The following LPCAT1 variants were observed in gnomAD, a reference collection of about 807,000 sequenced individuals.
The protein encoded by LPCAT1 is lysophosphatidylcholine acyltransferase 1, also known as 1-acylglycerol-3-phosphate O-acyltransferase.
LPCAT1 carries 23 observed loss-of-function variants against 60.9 expected under a neutral mutation model. The observed-to-expected ratio is 0.38, with a 90% CI of 0.27 to 0.53. The LOEUF (loss-of-function observed/expected upper bound fraction) is 0.53. LPCAT1 is among the 20% of genes least tolerant of loss of function. LPCAT1 has a pLI of 0.82. For synonymous variants in LPCAT1, 340 were observed against 301.1 expected (o/e 1.13, Z -1.34); for missense variants, 622 against 723.6 (o/e 0.86, Z 1.61).
intron 11 of LPCAT1, among the ~76,000 whole-genome samples, chr5:1,472,380 A>ATAGCTTTCTTTT (rs1734718586): frequency 6.6e-6 from 1 of 151,970 alleles, no homozygotes; most frequent in Non-Finnish European, 1.5e-5. Flanking sequence ...GAGGGAACTG[A>ATAGCTTTCTTTT]TAGCTTTCTT....
At chr5:1,516,996 G>C (rs1045842982) in intron 1 of LPCAT1, among the ~76,000 whole-genome samples, 4 of 152,178 alleles carry the variant, frequency 2.6e-5, no homozygotes, top group Admixed American at 1.3e-4. Context: ...TATCCCCCAG[G>C]GTTGCAAAAT....
rs1734958783 is a variant in LPCAT1, at chr5:1,477,335, A to G, written c.899+69T>C. 4 of 1,283,340 alleles carry G rather than the reference A, an allele frequency of 3.1e-6. No individual in the cohort carries two copies. The highest frequency in any genetic ancestry group is 4.0e-5 in the Admixed American group (2 of 50,014). 79.5% of individuals were successfully genotyped at this position (1,283,340 alleles called of 1,614,324 possible). The stretch of plus-strand genomic sequence containing the variant: ...TTTCCTAACGCTGTTGCCTATTTTA[A>G]ATATACAGAGAGCAGCACTCTGGGA... On this transcript the variant is annotated intron_variant, in intron 9 of 13. Transcript: ENST00000283415. This position sits in a 1 kb window ranked among gnomAD's most constrained non-coding sequence, Gnocchi z 6.0.
intron 2 of LPCAT1, among the ~76,000 whole-genome samples, chr5:1,497,482 G>A (rs903952880): frequency 5.2e-5 from 8 of 152,402 alleles, no homozygotes; most frequent in Admixed American, 1.3e-4. Flanking sequence ...CACAGCCTGA[G>A]TGCTGGCTAC....
Position 1,523,848 on chromosome 5 carries a change from C to T in LPCAT1, c.-4G>A. Reference sequence around the variant, plus strand: ...GTCCGCATCCCCGCAGCCTCATGGCCGCGCCGTCCCGCGGCGAGCGCAGCC... The same window carrying T: ...GTCCGCATCCCCGCAGCCTCATGGCTGCGCCGTCCCGCGGCGAGCGCAGCC... On this transcript the variant is annotated 5_prime_UTR_variant, in exon 1 of 14. Coordinates refer to ENST00000283415, the MANE Select transcript of LPCAT1 (RefSeq NM_024830.5). The surrounding 1 kb of genome is among the most constrained non-coding windows in gnomAD (Gnocchi z 7.1). 9.5e-7 allele frequency: 1 copy of T among 1,055,714 alleles called. No homozygotes were observed. Among genetic ancestry groups the T allele is most frequent in the Non-Finnish European group, 1.1e-6 (1 of 876,530 alleles). 65.4% of individuals were successfully genotyped at this position (1,055,714 alleles called of 1,614,324 possible). A position where few individuals can be genotyped will look rare whatever the true frequency, so the allele number is the denominator to read the frequency against.
chr5:1,498,009 G>T (rs539983445), intron 2 of LPCAT1, among the ~76,000 whole-genome samples: 3 of 152,342 alleles, frequency 2.0e-5, no homozygotes, highest in African/African-American at 7.2e-5. Flanking sequence ...ACCTAAAATA[G>T]TGCCTTTTGC....
chr5:1,464,903 ACTAAAC>A (rs1055633986), intron 13 of LPCAT1, among the ~76,000 whole-genome samples: 46 of 92,584 alleles, frequency 5.0e-4, no homozygotes, highest in Admixed American at 2.7e-3. Context: ...ACACACACTA[ACTAAAC>A]ACACATGCGT....
intron 1 of LPCAT1, 51 bp from the exon 2 acceptor site, chr5:1,501,654 A>G (rs769135146): frequency 2.5e-6 from 4 of 1,593,680 alleles, no homozygotes; most frequent in Non-Finnish European, 3.4e-6. Context: ...GACACCAGGC[A>G]GCTCCCCACC....
rs760999139 is a variant in LPCAT1 at position 1,494,687 on chromosome 5, G to GTGTCTCACTCACTTCCCCAGATCGGGA, written c.479_493+12dup. ...GCAGGGTCCCTCACTCCCAGCAGGG[G>GTGTCTCACTCACTTCCCCAGATCGGGA]TGTCTCACTCACTTCCCCAGATCGG... On this transcript the variant is annotated intron_variant, in intron 3 of 13. Transcript: ENST00000283415. 16 of 1,611,998 alleles carry GTGTCTCACTCACTTCCCCAGATCGGGA rather than the reference G, an allele frequency of 9.9e-6. No individual in the cohort carries two copies. The Admixed American group carries it at 2.7e-4, about 27-fold the overall frequency.
intron 1 of LPCAT1, among the ~76,000 whole-genome samples, chr5:1,513,839 G>A (rs537453777): frequency 4.3e-5 from 6 of 140,570 alleles, no homozygotes; most frequent in South Asian, 4.5e-4. Context: ...GACACCCTGC[G>A]ATTACATTCT....
In LPCAT1 at chr5:1,480,844, C is replaced by G; in HGVS notation, c.761+98G>C. 16 of 1,452,532 alleles carry G rather than the reference C, an allele frequency of 1.1e-5. No individual in the cohort carries two copies. The highest frequency in any genetic ancestry group is 1.4e-5 in the Non-Finnish European group (14 of 1,034,160). 90.0% of individuals were successfully genotyped at this position (1,452,532 alleles called of 1,614,324 possible). ...AACGGCTGTCCCACACCTGCTTTCA[C>G]AACTGCAAAAGTAACTAGCGTGCAC... On this transcript the variant is annotated intron_variant, in intron 7 of 13. Transcript: ENST00000283415. The surrounding 1 kb of genome is among the most constrained non-coding windows in gnomAD (Gnocchi z 6.4).
Position 1,487,867 on chromosome 5 carries a change from G to A in LPCAT1, c.667+524C>T, listed in dbSNP as rs967279594. ...TCACTGCCACACTTCCCACGTCAGG[G>A]GTGCAGACACAATACTAGACCCAGG... is the stretch of plus-strand genomic sequence containing the variant. On this transcript the variant is annotated intron_variant, in intron 5 of 13. Coordinates refer to ENST00000283415, the MANE Select transcript of LPCAT1 (RefSeq NM_024830.5). The surrounding 1 kb of genome is among the most constrained non-coding windows in gnomAD (Gnocchi z 6.1). Among the ~76,000 whole-genome samples, 4 of 152,116 alleles carry A rather than the reference G, an allele frequency of 2.6e-5. No individual in the cohort carries two copies. The highest frequency in any genetic ancestry group is 5.9e-5 in the Non-Finnish European group (4 of 68,024).
chr5:1,497,709 C>G (rs1735845146), intron 2 of LPCAT1, among the ~76,000 whole-genome samples: 1 of 152,170 alleles, frequency 6.6e-6, no homozygotes, highest in South Asian at 2.1e-4. Context: ...TCTGGGAGAC[C>G]AGATAAAGTG....
chr5:1,495,343 G>C lies in LPCAT1; in HGVS notation c.279-429C>G, dbSNP rs1322140111. On this transcript the variant is annotated intron_variant, in intron 2 of 13. Transcript: ENST00000283415. The surrounding 1 kb of genome is among the most constrained non-coding windows in gnomAD (Gnocchi z 4.7). The stretch of plus-strand genomic sequence containing the variant: ...CATATCGCAATATGGGGGGGGGGGC[G>C]CTCAGAGCTGAGGGCGGAAGCTGAG... Among the ~76,000 whole-genome samples, 1 of 149,752 alleles carries C rather than the reference G, an allele frequency of 6.7e-6. No homozygotes were observed. Among genetic ancestry groups the C allele is most frequent in the Non-Finnish European group, 1.5e-5 (1 of 67,492 alleles).
At chr5:1,520,189 A>G (rs1329633569) in intron 1 of LPCAT1, among the ~76,000 whole-genome samples, 4 of 152,276 alleles carry the variant, frequency 2.6e-5, no homozygotes, top group Admixed American at 2.0e-4. Context: ...GTGCAGGCAC[A>G]CGAATTCCTG....
rs752782938 is a variant in LPCAT1, at chr5:1,477,318, C to T, written c.899+86G>A. 5.9e-5 allele frequency: 65 copies of T among 1,106,286 alleles called. No individual in the cohort carries two copies. The highest frequency in any genetic ancestry group is 2.8e-4 in the African/African-American group (18 of 64,040). 68.5% of individuals were successfully genotyped at this position (1,106,286 alleles called of 1,614,324 possible). A position where few individuals can be genotyped will look rare whatever the true frequency, so the allele number is the denominator to read the frequency against. On this transcript the variant is annotated intron_variant, in intron 9 of 13. Transcript: ENST00000283415. The surrounding 1 kb of genome is among the most constrained non-coding windows in gnomAD (Gnocchi z 6.0). The stretch of plus-strand genomic sequence containing the variant: ...CTTCTGCAAGAATGCCTTTTCCTAA[C>T]GCTGTTGCCTATTTTAAATATACAG...
At chr5:1,492,315 G>A (rs1341768255) in intron 3 of LPCAT1, among the ~76,000 whole-genome samples, 2 of 151,476 alleles carry the variant, frequency 1.3e-5, no homozygotes, top group African/African-American at 2.4e-5. Flanking sequence ...CTGGGGAGAC[G>A]TCTCTGAGCT....
In LPCAT1 at chr5:1,502,238, A is replaced by G. The variant is rs895500379; in HGVS notation, c.136-635T>C. ...ACAACCCCAGGCAGCTCCACCCCGC[A>G]GGACGCACCCCCAGGCAGCTCCGCC... On this transcript the variant is annotated intron_variant, in intron 1 of 13. Transcript: ENST00000283415. The surrounding 1 kb of genome is among the most constrained non-coding windows in gnomAD (Gnocchi z 5.5). Among the ~76,000 whole-genome samples the G allele has an allele frequency of 1.3e-5, 2 of 152,138 alleles. No individual in the cohort carries two copies. Among genetic ancestry groups the G allele is most frequent in the South Asian group, 2.1e-4 (1 of 4,814 alleles).
In LPCAT1 at chr5:1,489,752, C is replaced by A. The variant is rs1446048728; in HGVS notation, c.600G>T (p.Trp200Cys). The A allele has an allele frequency of 1.2e-6, 2 of 1,609,880 alleles. No individual in the cohort carries two copies. Among genetic ancestry groups the A allele is most frequent in the Non-Finnish European group, 1.7e-6 (2 of 1,176,050 alleles). The change falls in exon 4 of 14, where the codon TGG (tryptophan) becomes TGT (cysteine). Residue 200 changes from tryptophan (W) to cysteine (C), a missense_variant. Physicochemically the swap from Trp to Cys is radical, Grantham distance 215. This residue lies in a region of LPCAT1 where 209 missense variants were observed against 325.5 expected (regional missense o/e 0.64). Coordinates refer to ENST00000283415, the MANE Select transcript of LPCAT1 (RefSeq NM_024830.5). The part of the protein sequence containing the change: ...IKRRAQSNGK[W>C]PQIMIFPEGT... ...TCAGGGCTACGTGCATTACCTGTGG[C>A]CACTTTCCGTTGGACTGCGCCCGTC...
chr5:1,470,519 G>A (rs891708498), intron 12 of LPCAT1, among the ~76,000 whole-genome samples: 1 of 152,178 alleles, frequency 6.6e-6, no homozygotes, highest in African/African-American at 2.4e-5. Context: ...TGTGGCCCCT[G>A]TGTTAGGTGC....
Sources: allele counts gnomAD v4.1 joint callset (sites outside exome capture counted in the v4.1 genomes callset), GRCh38; gene constraint gnomAD v4.1.1; regional missense constraint gnomAD v4.1.1; non-coding constraint Gnocchi (gnomAD v3.1); transcripts MANE v1.5; gene names NCBI Gene and HGNC (gene_info 2026-07-23, HGNC 2026-07-21).